ZNF704: variants seen among roughly 807,000 people sequenced by gnomAD.
The protein encoded by ZNF704 is zinc finger protein 704.
A neutral mutation model predicts 44.7 loss-of-function variants in ZNF704; 10 were observed. The observed-to-expected ratio is 0.22, with a 90% CI of 0.14 to 0.38. The LOEUF (loss-of-function observed/expected upper bound fraction) is 0.38, where lower values mean the gene tolerates loss of function less well. ZNF704 is among the 10% of genes least tolerant of loss of function. The probability of loss-of-function intolerance (pLI) is 1.00; values close to 1 mark genes in which losing one functional copy is unlikely to be tolerated. For synonymous variants in ZNF704, 211 were observed against 207.6 expected (o/e 1.02, Z -0.14); for missense variants, 390 against 545.5 (o/e 0.71, Z 2.84).
intron 6 of ZNF704, among the ~76,000 whole-genome samples, chr8:80,661,520 T>A (rs1818101770): frequency 6.6e-6 from 1 of 152,100 alleles, no homozygotes; most frequent in Non-Finnish European, 1.5e-5. Flanking sequence ...CTATTCACAA[T>A]AGCAAAGATA....
chr8:80,647,567 A>C (rs1426630053), intron 7 of ZNF704, among the ~76,000 whole-genome samples: 2 of 152,358 alleles, frequency 1.3e-5, no homozygotes, highest in East Asian at 3.9e-4. Context: ...AGGCTTTTGC[A>C]GTATACCAGG....
chr8:80,671,174 C>T (rs979341426), intron 4 of ZNF704, among the ~76,000 whole-genome samples: 4 of 152,246 alleles, frequency 2.6e-5, no homozygotes, highest in Admixed American at 2.6e-4. Flanking sequence ...GTCACCCAGG[C>T]TGGAGTGCAG....
chr8:80,830,753 CTTTTTTTTTTT>C (rs772059759), intron 1 of ZNF704, among the ~76,000 whole-genome samples: 1 of 89,130 alleles, frequency 1.1e-5, no homozygotes. Context: ...GTGTTTCTTT[CTTTTTTTTTTT>C]TTTTTTTTTT....
chr8:80,684,972 G>A (rs886919952), intron 4 of ZNF704, among the ~76,000 whole-genome samples: 2 of 152,050 alleles, frequency 1.3e-5, no homozygotes, highest in Admixed American at 6.5e-5. Flanking sequence ...TTAAACATTA[G>A]TGGCTACAAT....
intron 1 of ZNF704, among the ~76,000 whole-genome samples, chr8:80,836,695 G>A: frequency 6.6e-6 from 1 of 152,070 alleles, no homozygotes; most frequent in East Asian, 1.9e-4. Flanking sequence ...TGAGGTAGGA[G>A]GATGACTTAC....
chr8:80,878,862 T>C (rs1809391850), upstream of ZNF704, among the ~76,000 whole-genome samples: 1 of 152,232 alleles, frequency 6.6e-6, no homozygotes, highest in Admixed American at 6.5e-5. Context: ...AATGATAGCA[T>C]TGCCTTCTTA....
intron 2 of ZNF704, among the ~76,000 whole-genome samples, chr8:80,699,395 T>C (rs945768663): frequency 6.9e-6 from 1 of 144,302 alleles, no homozygotes; most frequent in South Asian, 2.2e-4. Context: ...TCAAAATTGA[T>C]GGAAAAAGAA....
intron 1 of ZNF704, among the ~76,000 whole-genome samples, chr8:80,841,308 G>A (rs1197215614): frequency 1.3e-5 from 2 of 152,140 alleles, no homozygotes; most frequent in African/African-American, 2.4e-5. Context: ...GGAAATTTAG[G>A]CCACAGCAGC....
At chr8:80,800,670 A>G (rs896671058) in intron 2 of ZNF704, among the ~76,000 whole-genome samples, 5 of 152,208 alleles carry the variant, frequency 3.3e-5, no homozygotes, top group Admixed American at 6.5e-5. Flanking sequence ...AGCACTAAAT[A>G]TGAAGAGGAA....
intron 2 of ZNF704, among the ~76,000 whole-genome samples, chr8:80,763,931 GA>G (rs1471495556): frequency 6.6e-6 from 1 of 152,150 alleles, no homozygotes; most frequent in Non-Finnish European, 1.5e-5. Flanking sequence ...CAGCAAGAGT[GA>G]CCTTTGCTCC....
intron 7 of ZNF704, among the ~76,000 whole-genome samples, chr8:80,652,880 G>T (rs146167065): frequency 0.048 from 7,340 of 152,248 alleles, 215 homozygotes; most frequent in Middle Eastern, 0.092. Flanking sequence ...GAGAATTTTA[G>T]ACCAATATCC....
At chr8:80,679,558 G>A (rs1818420293) in intron 4 of ZNF704, among the ~76,000 whole-genome samples, 1 of 152,194 alleles carries the variant, frequency 6.6e-6, no homozygotes, top group African/African-American at 2.4e-5. Flanking sequence ...TGCAAAGCTG[G>A]AATGTCCACC....
upstream of ZNF704, among the ~76,000 whole-genome samples, chr8:80,878,253 AAAGGAAGG>A (rs746307538): frequency 0.17 from 23,468 of 139,982 alleles, 2,012 homozygotes; most frequent in Admixed American, 0.19. Context: ...AAAGAGAAAG[AAAGGAAGG>A]AAGGAAGGAA....
intron 1 of ZNF704, among the ~76,000 whole-genome samples, chr8:80,870,137 G>A (rs1809226630): frequency 6.6e-6 from 1 of 152,272 alleles, no homozygotes; most frequent in African/African-American, 2.4e-5. Flanking sequence ...GTTAAGCTGA[G>A]CCTAGACTCC....
At chr8:80,755,012 AATAGGGTAAAAGTTCATC>A (rs1807011068) in intron 2 of ZNF704, among the ~76,000 whole-genome samples, 1 of 152,176 alleles carries the variant, frequency 6.6e-6, no homozygotes, top group Admixed American at 6.5e-5. Flanking sequence ...AGCAGAAGAT[AATAGGGTAAAAGTTCATC>A]ATAGGTCTAG....
At position 80,686,294 on chromosome 8, in the gene ZNF704, C is replaced by A. The variant is rs578069792; in HGVS notation, c.558+932G>T. Among the ~76,000 whole-genome samples, 7 of 152,302 alleles carry A rather than the reference C, an allele frequency of 4.6e-5. No individual in the cohort carries two copies. In the East Asian group the frequency reaches 7.7e-4, roughly 17 times the overall value. On this transcript the variant is annotated intron_variant, in intron 4 of 8. Transcript: ENST00000327835. ...AACAAGATGGAAATGCAAAACTTAC[C>A]ATATAGGACTGCTGGGAGGATTAAA...
chr8:80,832,953 G>C (rs1447087156), intron 1 of ZNF704, among the ~76,000 whole-genome samples: 1 of 152,198 alleles, frequency 6.6e-6, no homozygotes, highest in Non-Finnish European at 1.5e-5. Context: ...CAACCACTGT[G>C]TGGAGTGCAA....
chr8:80,769,209 C>T (rs894502084), intron 2 of ZNF704, among the ~76,000 whole-genome samples: 4 of 152,160 alleles, frequency 2.6e-5, no homozygotes, highest in Non-Finnish European at 2.9e-5. Flanking sequence ...ATTGATGAAA[C>T]TCCTGATTTG....
chr8:80,725,203 T>C (rs1247447604), intron 2 of ZNF704, among the ~76,000 whole-genome samples: 1 of 152,164 alleles, frequency 6.6e-6, no homozygotes, highest in Non-Finnish European at 1.5e-5. Context: ...AGAAGGAGTA[T>C]AGTGGGGAAG....
Sources: allele counts gnomAD v4.1 joint callset (sites outside exome capture counted in the v4.1 genomes callset), GRCh38; gene constraint gnomAD v4.1.1; transcripts MANE v1.5; gene names NCBI Gene and HGNC (gene_info 2026-07-23, HGNC 2026-07-21).